The following SDK1 variants were observed in gnomAD, a reference collection of about 807,000 sequenced individuals.
SDK1 encodes the protein protein sidekick-1.
SDK1 carries 157 observed loss-of-function variants against 245.5 expected under a neutral mutation model. The observed-to-expected ratio is 0.64, with a 90% CI of 0.56 to 0.73. The LOEUF (loss-of-function observed/expected upper bound fraction) is 0.73. Among genes scored for constraint, SDK1 ranks in the 30% least tolerant of loss-of-function variants. SDK1 has a pLI of 0.00. For synonymous variants in SDK1, 1,647 were observed against 1,278.5 expected (o/e 1.29, Z -6.15); for missense variants, 3,583 against 3,002.3 (o/e 1.19, Z -4.52).
intron 1 of SDK1, among the ~76,000 whole-genome samples, chr7:3,567,486 A>C: frequency 6.6e-6 from 1 of 152,240 alleles, no homozygotes; most frequent in East Asian, 1.9e-4. Flanking sequence ...GTTTAGACTA[A>C]GTGGTCAAAA....
intron 1 of SDK1, among the ~76,000 whole-genome samples, chr7:3,418,188 G>A (rs1183866617): frequency 1.3e-5 from 2 of 149,208 alleles, no homozygotes; most frequent in Non-Finnish European, 1.5e-5. Context: ...TGGGTGGTGC[G>A]TGCCTGTAAT....
At chr7:4,132,994 C>T (rs1262838649) in intron 28 of SDK1, among the ~76,000 whole-genome samples, 1 of 152,110 alleles carries the variant, frequency 6.6e-6, no homozygotes, top group East Asian at 1.9e-4. Context: ...CCGTTTGTAA[C>T]CGACCTTCCC....
chr7:3,914,358 T>C (rs561631578), intron 5 of SDK1, among the ~76,000 whole-genome samples: 2 of 152,332 alleles, frequency 1.3e-5, no homozygotes, highest in Admixed American at 6.5e-5. Flanking sequence ...AAGATTGTTA[T>C]GTCAAAAATT....
At chr7:3,561,977 C>A (rs558810710) in intron 1 of SDK1, among the ~76,000 whole-genome samples, 1 of 152,292 alleles carries the variant, frequency 6.6e-6, no homozygotes, top group East Asian at 1.9e-4. Context: ...AACACAAATG[C>A]TGGTGGGAAA....
chr7:3,778,216 G>A (rs991890443), intron 4 of SDK1, among the ~76,000 whole-genome samples: 1 of 151,916 alleles, frequency 6.6e-6, no homozygotes, highest in Non-Finnish European at 1.5e-5. Flanking sequence ...TAAGAAAGAA[G>A]TTTCATTTGA....
chr7:4,234,320 G>T (rs1449580769), intron 41 of SDK1, among the ~76,000 whole-genome samples: 1 of 152,060 alleles, frequency 6.6e-6, no homozygotes, highest in Admixed American at 6.5e-5. Context: ...CCAGGTCCAG[G>T]TCTGCTCTCA....
intron 1 of SDK1, among the ~76,000 whole-genome samples, chr7:3,343,073 T>C (rs910274628): frequency 4.0e-5 from 6 of 149,452 alleles, no homozygotes; most frequent in African/African-American, 1.2e-4. Flanking sequence ...CTAGTGGGAA[T>C]GTAAAATGGT....
intron 1 of SDK1, among the ~76,000 whole-genome samples, chr7:3,349,540 G>A (rs964270708): frequency 2.6e-5 from 4 of 152,166 alleles, no homozygotes; most frequent in Non-Finnish European, 4.4e-5. Context: ...ACTAAGAAGC[G>A]AAGGATATGG....
At chr7:3,318,306 A>C (rs1044965682) in intron 1 of SDK1, among the ~76,000 whole-genome samples, 1 of 152,214 alleles carries the variant, frequency 6.6e-6, no homozygotes, top group Non-Finnish European at 1.5e-5. Flanking sequence ...AGCTGGATTC[A>C]AATCCTGACC....
intron 5 of SDK1, among the ~76,000 whole-genome samples, chr7:3,906,399 TGAGAGA>T (rs148339952): frequency 4.8e-3 from 724 of 150,012 alleles, no homozygotes; most frequent in Non-Finnish European, 6.6e-3. Context: ...TGTGTGTGTG[TGAGAGA>T]GAGAGAGAGA....
intron 44 of SDK1, among the ~76,000 whole-genome samples, chr7:4,246,015 C>T (rs1408143144): frequency 6.6e-6 from 1 of 152,172 alleles, no homozygotes; most frequent in Admixed American, 6.5e-5. Context: ...CACATAGCCT[C>T]GAGCAGTCTA....
chr7:4,232,959 T>A (rs1053391739), intron 40 of SDK1: 3 of 265,648 alleles, frequency 1.1e-5, no homozygotes, highest in Non-Finnish European at 2.2e-5. Context: ...CATACATACA[T>A]ATATTTACTG....
intron 38 of SDK1, among the ~76,000 whole-genome samples, chr7:4,212,782 T>C (rs1236595467): frequency 6.6e-6 from 1 of 152,266 alleles, no homozygotes; most frequent in African/African-American, 2.4e-5. Context: ...ACCATTTAAA[T>C]GAGAATTGAC....
chr7:3,949,967 C>T (rs981126028), intron 5 of SDK1, among the ~76,000 whole-genome samples: 10 of 152,136 alleles, frequency 6.6e-5, no homozygotes, highest in Admixed American at 5.9e-4. Context: ...CCATGCCTAA[C>T]GTAGTGGCTG....
rs893295859 is a variant in SDK1, at chr7:3,566,866, G to A, written c.299-52214G>A. Among the ~76,000 whole-genome samples the A allele has an allele frequency of 2.0e-5, 3 of 152,234 alleles. No individual in the cohort carries two copies. In the South Asian group the frequency reaches 6.2e-4, roughly 32 times the overall value. ...ATTACCGAGAGAAATAAGAATCGAA[G>A]CAGTAAAATGATATCCTTATTACAC... On this transcript the variant is annotated intron_variant, in intron 1 of 44. Transcript: ENST00000404826.
chr7:3,655,662 C>T (rs1382455093), intron 4 of SDK1, among the ~76,000 whole-genome samples: 11 of 151,478 alleles, frequency 7.3e-5, no homozygotes, highest in Non-Finnish European at 1.5e-5. Context: ...CAACTTAAAA[C>T]AGCACCTGGT....
chr7:3,516,708 A>G (rs754596767), intron 1 of SDK1, among the ~76,000 whole-genome samples: 1 of 152,196 alleles, frequency 6.6e-6, no homozygotes, highest in Non-Finnish European at 1.5e-5. Context: ...TAATTTGGAA[A>G]AGTTCATGGA....
intron 1 of SDK1, among the ~76,000 whole-genome samples, chr7:3,481,317 T>TGTTCAAGA (rs1361209502): frequency 1.5e-4 from 23 of 152,234 alleles, no homozygotes; most frequent in Non-Finnish European, 4.4e-5. Context: ...ACTTGAACTC[T>TGTTCAAGA]GTTCATCTGA....
intron 1 of SDK1, among the ~76,000 whole-genome samples, chr7:3,444,133 A>G (rs1247110241): frequency 6.6e-6 from 1 of 152,164 alleles, no homozygotes; most frequent in African/African-American, 2.4e-5. Context: ...TTCCCTGGAA[A>G]GGGCGGGTTT....
Sources: allele counts gnomAD v4.1 joint callset (sites outside exome capture counted in the v4.1 genomes callset), GRCh38; gene constraint gnomAD v4.1.1; transcripts MANE v1.5; gene names NCBI Gene and HGNC (gene_info 2026-07-23, HGNC 2026-07-21).